AKAP12: variants seen among roughly 807,000 people sequenced by gnomAD.
The protein encoded by AKAP12 is A-kinase anchoring protein 12.
AKAP12 carries 32 observed loss-of-function variants against 79.9 expected under a neutral mutation model. The ratio of observed to expected loss-of-function variants is 0.40; its 90% CI spans 0.30 to 0.54. The LOEUF (loss-of-function observed/expected upper bound fraction) is 0.54, where lower values mean the gene tolerates loss of function less well. AKAP12 is among the 20% of genes least tolerant of loss of function. The pLI is 0.48. For missense variants in AKAP12, 2,074 were observed against 2,177.0 expected (o/e 0.95, Z 0.94); for synonymous variants, 808 against 857.0 (o/e 0.94, Z 1.00).
intron 2 of AKAP12, among the ~76,000 whole-genome samples, chr6:151,251,388 G>A (rs10499266): frequency 0.084 from 12,757 of 152,238 alleles, 777 homozygotes; most frequent in East Asian, 0.34. Context: ...AGTGTGACTA[G>A]AAAGGGTGAC....
At position 151,357,967 on chromosome 6, in the gene AKAP12, G is replaced by A. The variant is rs1311934226; in HGVS notation, c.*2253G>A. 2.6e-5 allele frequency: 4 copies of A among 152,076 alleles called. No individual in the cohort carries two copies. The highest frequency in any genetic ancestry group is 2.6e-4 in the Admixed American group (4 of 15,248). The allele number at this position is 152,076 out of a possible 1,614,324, so 9.4% of individuals were successfully genotyped here. On this transcript the variant is annotated 3_prime_UTR_variant, in exon 5 of 5. Transcript: ENST00000402676. Reference sequence around the variant, plus strand: ...ACCACCTGTGGCCAGGTGCTCGCTGGCCATCACAGTTGCGATTCCATGAGT... The same window carrying A: ...ACCACCTGTGGCCAGGTGCTCGCTGACCATCACAGTTGCGATTCCATGAGT...
chr6:151,353,205 C>T lies in AKAP12; in HGVS notation c.4814C>T (p.Ala1605Val). Reference sequence around the variant, plus strand: ...GAAGGAGAGGAACCTCAGGCCTCTGCACAGGATGAAACACCAATTACTTCA... The same window carrying T: ...GAAGGAGAGGAACCTCAGGCCTCTGTACAGGATGAAACACCAATTACTTCA... ...EKEGEEPQASAQDETPITSAK... is the reference protein window; with the variant it reads ...EKEGEEPQASVQDETPITSAK... Residue 1605 changes from alanine (A) to valine (V), a missense_variant, in exon 4 of 5, where the codon GCA becomes GTA. Physicochemically the swap from Ala to Val is moderately conservative, Grantham distance 64. This residue lies in a region of AKAP12 where 614 missense variants were observed against 665.6 expected (regional missense o/e 0.92). Coordinates refer to ENST00000402676, the MANE Select transcript of AKAP12 (RefSeq NM_005100.4). The T allele has an allele frequency of 6.2e-7, 1 of 1,614,142 alleles. No homozygotes were observed. The highest frequency in any genetic ancestry group is 8.5e-7 in the Non-Finnish European group (1 of 1,180,024).
intron 2 of AKAP12, among the ~76,000 whole-genome samples, chr6:151,248,021 G>GTTTGAT (rs1376941004): frequency 6.6e-6 from 1 of 151,696 alleles, no homozygotes; most frequent in Admixed American, 6.6e-5. Flanking sequence ...TCAGTTTCAT[G>GTTTGAT]TTTGATTTCA....
chr6:151,288,881 G>A (rs1776559995), intron 2 of AKAP12, among the ~76,000 whole-genome samples: 2 of 152,198 alleles, frequency 1.3e-5, no homozygotes, highest in South Asian at 4.1e-4. Flanking sequence ...TAATGGCATC[G>A]CTAGATGCGC....
intron 2 of AKAP12, among the ~76,000 whole-genome samples, chr6:151,256,265 A>C (rs962185226): frequency 6.6e-6 from 1 of 152,194 alleles, no homozygotes; most frequent in Admixed American, 6.5e-5. Context: ...TAATATGTTA[A>C]TATTATTAAT....
intron 2 of AKAP12, among the ~76,000 whole-genome samples, chr6:151,274,413 G>A (rs1311003330): frequency 2.0e-5 from 3 of 152,096 alleles, no homozygotes; most frequent in Admixed American, 2.0e-4. Flanking sequence ...TGGGGGTGTG[G>A]TGATGGTGGA....
chr6:151,341,324 G>A (rs1777939686), intron 3 of AKAP12, among the ~76,000 whole-genome samples: 2 of 152,198 alleles, frequency 1.3e-5, no homozygotes, highest in African/African-American at 4.8e-5. Flanking sequence ...AAAGTGCTGG[G>A]ATTACAGGCG....
rs1778290461 is a variant in AKAP12 at position 151,351,527 on chromosome 6, G to T, written c.3136G>T (p.Val1046Leu). 1.2e-6 allele frequency: 2 copies of T among 1,614,172 alleles called. No homozygotes were observed. Among genetic ancestry groups the T allele is most frequent in the African/African-American group, 1.3e-5 (1 of 75,064 alleles). The stretch of plus-strand genomic sequence containing the variant: ...GCGGACTCAAGAGGTCCTCCAGGCA[G>T]TGGCAGAAAAAGTGAAAGAGGAATC... The part of the protein sequence containing the change: ...ERRTQEVLQA[V>L]AEKVKEESQL... The change falls in exon 4 of 5, where the codon GTG (valine) becomes TTG (leucine). Residue 1046 changes from valine (V) to leucine (L), a missense_variant. Physicochemically the swap from Val to Leu is conservative, Grantham distance 32. Transcript: ENST00000402676. This position sits in a 1 kb window ranked among gnomAD's most constrained non-coding sequence, Gnocchi z 4.4.
rs147280945 is a variant in AKAP12 at position 151,295,439 on chromosome 6, G to A, written c.163-10308G>A. On this transcript the variant is annotated intron_variant, in intron 2 of 4. Coordinates refer to ENST00000402676, the MANE Select transcript of AKAP12 (RefSeq NM_005100.4). Reference sequence around the variant, plus strand: ...AAAATGATGAGAAACAGAAAAATCTGGGATTTGTAGACAGTGGCGAGAAAC... The same window carrying A: ...AAAATGATGAGAAACAGAAAAATCTAGGATTTGTAGACAGTGGCGAGAAAC... Among the ~76,000 whole-genome samples, 5 of 152,172 alleles carry A rather than the reference G, an allele frequency of 3.3e-5. No individual in the cohort carries two copies. In the East Asian group the frequency reaches 9.7e-4, roughly 29 times the overall value.
rs756174543 is a variant in AKAP12 at position 151,351,622 on chromosome 6, AGAAGAGCAGGCT to A, written c.3236_3247del (p.Glu1079_Glu1082del). The stretch of plus-strand genomic sequence containing the variant: ...TGCAGAGAGCAGAGGCAGAAAGACC[AGAAGAGCAGGCT>A]GAAGCGTCGGGTCTGAAGAAAGAGA... On this transcript the variant is annotated inframe_deletion, in exon 4 of 5. Coordinates refer to ENST00000402676, the MANE Select transcript of AKAP12 (RefSeq NM_005100.4). This position sits in a 1 kb window ranked among gnomAD's most constrained non-coding sequence, Gnocchi z 4.4. 1 of 1,614,096 alleles carries A rather than the reference AGAAGAGCAGGCT, an allele frequency of 6.2e-7. No homozygotes were observed. The highest frequency in any genetic ancestry group is 8.5e-7 in the Non-Finnish European group (1 of 1,180,056).
At position 151,351,946 on chromosome 6, in the gene AKAP12, A is replaced by T; in HGVS notation, c.3555A>T (p.Thr1185=). 6.2e-7 allele frequency: 1 copy of T among 1,614,192 alleles called. No individual in the cohort carries two copies. The highest frequency in any genetic ancestry group is 8.5e-7 in the Non-Finnish European group (1 of 1,180,036). The change falls in exon 4 of 5, where the codon ACA becomes ACT. Residue 1185 remains threonine, a synonymous_variant. Coordinates refer to ENST00000402676, the MANE Select transcript of AKAP12 (RefSeq NM_005100.4). The surrounding 1 kb of genome is among the most constrained non-coding windows in gnomAD (Gnocchi z 4.4). ...TAGCCGACTTTGACGCACCAGGCACAACCCAGAAAGACGAGATTGTGGAAA... is the reference window on the plus strand; with the variant it reads ...TAGCCGACTTTGACGCACCAGGCACTACCCAGAAAGACGAGATTGTGGAAA... ...TPVADFDAPG[T]TQKDEIVEIH... is the part of the protein sequence containing the mutation.
chr6:151,266,522 G>A (rs914135302), intron 2 of AKAP12, among the ~76,000 whole-genome samples: 3 of 152,164 alleles, frequency 2.0e-5, no homozygotes, highest in Admixed American at 6.5e-5. Context: ...CTGATGAAAT[G>A]CATCAATTCC....
chr6:151,298,729 G>A (rs1776790482), intron 2 of AKAP12: 1 of 151,772 alleles, frequency 6.6e-6, no homozygotes, highest in South Asian at 2.1e-4. Flanking sequence ...CCAGGAGGCG[G>A]AGGTTGCAGT....
intron 3 of AKAP12, among the ~76,000 whole-genome samples, chr6:151,320,319 T>C (rs1386960098): frequency 6.6e-6 from 1 of 151,996 alleles, no homozygotes; most frequent in African/African-American, 2.4e-5. Context: ...GGGATCTTGC[T>C]GTGTTGCCCA....
At position 151,342,363 on chromosome 6, in the gene AKAP12, C is replaced by G. The variant is rs549989204; in HGVS notation, c.320-6348C>G. 2.6e-5 allele frequency among the ~76,000 whole-genome samples: 4 copies of G among 152,268 alleles called. No individual in the cohort carries two copies. In the East Asian group the frequency reaches 7.7e-4, roughly 29 times the overall value. On this transcript the variant is annotated intron_variant, in intron 3 of 4. Transcript: ENST00000402676. The stretch of plus-strand genomic sequence containing the variant: ...TGTTTTGGGGTCAGGATCTCAACAG[C>G]GCGGGTACAGATATAGGTACCTGCC...
At chr6:151,286,260 A>G (rs1334652561) in intron 2 of AKAP12, among the ~76,000 whole-genome samples, 1 of 152,184 alleles carries the variant, frequency 6.6e-6, no homozygotes, top group African/African-American at 2.4e-5. Flanking sequence ...TGCAGAAGCA[A>G]ACTTGCTTCA....
At chr6:151,260,885 G>A (rs1346916396) in intron 2 of AKAP12, among the ~76,000 whole-genome samples, 3 of 152,102 alleles carry the variant, frequency 2.0e-5, no homozygotes, top group Non-Finnish European at 4.4e-5. Context: ...CCAGCTGCTC[G>A]GGAGGCTGAC....
intron 2 of AKAP12, among the ~76,000 whole-genome samples, chr6:151,263,524 C>A (rs1411588873): frequency 6.6e-6 from 1 of 152,162 alleles, no homozygotes; most frequent in African/African-American, 2.4e-5. Flanking sequence ...ATTCCTTCTT[C>A]AGTTCACATT....
chr6:151,261,511 C>T (rs535169498), intron 2 of AKAP12, among the ~76,000 whole-genome samples: 11 of 151,812 alleles, frequency 7.2e-5, no homozygotes, highest in African/African-American at 2.7e-4. Context: ...AAATACAACC[C>T]GTCTCTAAAA....
Sources: gnomAD v4.1 joint callset for allele counts (sites outside exome capture counted in the v4.1 genomes callset) on GRCh38, gnomAD v4.1.1 for gene constraint, gnomAD v4.1.1 regional missense constraint, Gnocchi (gnomAD v3.1) non-coding constraint, MANE v1.5 for transcripts, NCBI Gene and HGNC (gene_info 2026-07-23, HGNC 2026-07-21) for gene names.